Variants in NINL observed in about 807,000 individuals in gnomAD.
NINL encodes ninein like.
Under a neutral mutation model 160.3 loss-of-function variants are expected in NINL, and 153 were observed. The ratio of observed to expected loss-of-function variants is 0.95; its 90% CI spans 0.84 to 1.09. The LOEUF (loss-of-function observed/expected upper bound fraction) is 1.09, where lower values mean the gene tolerates loss of function less well. NINL is among the 50% of genes least tolerant of loss of function. The probability of loss-of-function intolerance (pLI) is 0.00; values close to 1 mark genes in which losing one functional copy is unlikely to be tolerated. For missense variants in NINL, 1,829 were observed against 1,764.0 expected, an observed-to-expected ratio of 1.04 and a Z score of -0.66; for synonymous variants, 800 against 734.8, an observed-to-expected ratio of 1.09 and a Z score of -1.43.
At chr20:25,459,872 C>T (rs1422134027) in intron 21 of NINL, among the ~76,000 whole-genome samples, 1 of 152,188 alleles carries the variant, frequency 6.6e-6, no homozygotes, top group East Asian at 1.9e-4. Flanking sequence ...CAGACCTTGA[C>T]AGTCACAGGG....
chr20:25,475,164 G>A (rs560059571), intron 17 of NINL, among the ~76,000 whole-genome samples: 26 of 150,824 alleles, frequency 1.7e-4, no homozygotes, highest in Admixed American at 1.3e-3. Flanking sequence ...CAGGAGAATC[G>A]CTTGAACCTG....
In NINL at chr20:25,491,541, C is replaced by A; in HGVS notation, c.1311-16G>T. 1.2e-6 allele frequency: 2 copies of A among 1,609,976 alleles called. No individual in the cohort carries two copies. Among genetic ancestry groups the A allele is most frequent in the Non-Finnish European group, 1.7e-6 (2 of 1,177,154 alleles). ...CTCCAGATGCCTGTAACATGTCACACATCACACGTCAGACATGTCATGTCA... is the reference window on the plus strand; with the variant it reads ...CTCCAGATGCCTGTAACATGTCACAAATCACACGTCAGACATGTCATGTCA... On this transcript the variant is annotated splice_polypyrimidine_tract_variant and intron_variant, in intron 10 of 23. Coordinates refer to ENST00000278886, the MANE Select transcript of NINL (RefSeq NM_025176.6).
At chr20:25,573,559 G>C (rs1456549785) in intron 1 of NINL, among the ~76,000 whole-genome samples, 4 of 152,140 alleles carry the variant, frequency 2.6e-5, no homozygotes, top group Admixed American at 6.5e-5. Flanking sequence ...CTGCTGTGAA[G>C]GTCAGTGTCA....
At position 25,479,135 on chromosome 20, in the gene NINL, C is replaced by T. The variant is rs778687223; in HGVS notation, c.1989G>A (p.Gln663=). ...GCACGCTGACCTCGCGCCTGCGAGC[C>T]TGCTCCATGTCCTTCCTCTCCTTCT... ...NFEKERKDME[Q]ARRREVSVLE... is the part of the protein sequence containing the mutation. Residue 663 remains glutamine (Q), a synonymous_variant, in exon 16 of 24, where the codon CAG becomes CAA. Coordinates refer to ENST00000278886, the MANE Select transcript of NINL (RefSeq NM_025176.6). 44 of 1,614,010 alleles carry T rather than the reference C, an allele frequency of 2.7e-5. No homozygotes were observed. The South Asian group carries it at 4.0e-4, about 14-fold the overall frequency.
intron 1 of NINL, among the ~76,000 whole-genome samples, chr20:25,532,595 T>C (rs2064484345): frequency 6.6e-6 from 1 of 152,222 alleles, no homozygotes; most frequent in Non-Finnish European, 1.5e-5. Flanking sequence ...TACTGAGCAT[T>C]CAGAGCCGCT....
At position 25,583,231 on chromosome 20, in the gene NINL, A is replaced by G. The variant is rs1417664493; in HGVS notation, c.-12+2224T>C. Among the ~76,000 whole-genome samples the G allele has an allele frequency of 3.9e-5, 6 of 152,328 alleles. No individual in the cohort carries two copies. In the East Asian group the frequency reaches 9.6e-4, roughly 24 times the overall value. The stretch of plus-strand genomic sequence containing the variant: ...AATTTTTGCAATCTACCCTTCTGAC[A>G]AAGGTCTAATATCCAGAATATAGAA... On this transcript the variant is annotated intron_variant, in intron 1 of 23. Transcript: ENST00000278886.
At chr20:25,539,127 T>A (rs890003328) in intron 1 of NINL, among the ~76,000 whole-genome samples, 1 of 152,106 alleles carries the variant, frequency 6.6e-6, no homozygotes, top group Non-Finnish European at 1.5e-5. Context: ...AGTGTCCAAT[T>A]TCCCTGCAGC....
chr20:25,470,952 C>A (rs958470369), intron 17 of NINL, among the ~76,000 whole-genome samples: 1 of 152,220 alleles, frequency 6.6e-6, no homozygotes, highest in Non-Finnish European at 1.5e-5. Flanking sequence ...CCATATGGTA[C>A]TAGCTTCTTA....
At chr20:25,519,333 T>G (rs2064222039) in intron 2 of NINL, among the ~76,000 whole-genome samples, 1 of 152,198 alleles carries the variant, frequency 6.6e-6, no homozygotes, top group African/African-American at 2.4e-5. Context: ...AATACTATTT[T>G]TGGTTTTGTA....
At chr20:25,467,555 T>C (rs142787484) in intron 18 of NINL, 97 bp from the exon 19 acceptor site, 6 of 927,424 alleles carry the variant, frequency 6.5e-6, no homozygotes, top group Non-Finnish European at 1.1e-5. Context: ...TGGGGGTTTG[T>C]AGCCACAGCA....
intron 1 of NINL, among the ~76,000 whole-genome samples, chr20:25,565,396 G>A (rs1237558157): frequency 6.6e-6 from 1 of 152,024 alleles, no homozygotes; most frequent in Non-Finnish European, 1.5e-5. Context: ...GGAGGGAAGA[G>A]GAGGAGGAGG....
intron 13 of NINL, among the ~76,000 whole-genome samples, chr20:25,486,543 A>G (rs2063507158): frequency 6.6e-6 from 1 of 152,158 alleles, no homozygotes; most frequent in South Asian, 2.1e-4. Flanking sequence ...CACCATCTGG[A>G]CCCCATCCGC....
intron 5 of NINL, chr20:25,509,533 C>G: frequency 2.6e-6 from 1 of 391,452 alleles, no homozygotes; most frequent in Non-Finnish European, 5.1e-6. Flanking sequence ...CACTCCTGAG[C>G]CCCAAGCTGC....
chr20:25,577,850 G>A (rs76783280), intron 1 of NINL, among the ~76,000 whole-genome samples: 1 of 97,318 alleles, frequency 1.0e-5, no homozygotes, highest in Non-Finnish European at 2.2e-5. Flanking sequence ...TTTTTTTTTT[G>A]AGATGGAGTT....
chr20:25,515,533 G>C (rs377580055), intron 3 of NINL, among the ~76,000 whole-genome samples: 86 of 152,294 alleles, frequency 5.6e-4, no homozygotes, highest in South Asian at 1.0e-3. Flanking sequence ...AGGCATGATT[G>C]TGTTTTGAAA....
intron 8 of NINL, 118 bp from the exon 9 acceptor site, chr20:25,498,464 C>T: frequency 7.6e-7 from 1 of 1,319,634 alleles, no homozygotes. Flanking sequence ...GCAGCACCTG[C>T]CCCTCCTGTC....
intron 1 of NINL, among the ~76,000 whole-genome samples, chr20:25,538,355 G>GGGA (rs1329828479): frequency 6.6e-6 from 1 of 152,214 alleles, no homozygotes; most frequent in Non-Finnish European, 1.5e-5. Flanking sequence ...CACCACGGAA[G>GGGA]GGAGGAGTCT....
intron 2 of NINL, among the ~76,000 whole-genome samples, chr20:25,521,648 T>C (rs1029917328): frequency 6.6e-6 from 1 of 152,236 alleles, no homozygotes; most frequent in Non-Finnish European, 1.5e-5. Flanking sequence ...CTGAGGGATA[T>C]AAGACCAGAC....
chr20:25,532,364 G>A (rs1444650365), intron 1 of NINL, among the ~76,000 whole-genome samples: 1 of 152,234 alleles, frequency 6.6e-6, no homozygotes. Context: ...TCCACAGGAG[G>A]GCTGGCCAGC....
Sources: gnomAD v4.1 joint callset for allele counts (sites outside exome capture counted in the v4.1 genomes callset) on GRCh38, gnomAD v4.1.1 for gene constraint, MANE v1.5 for transcripts, NCBI Gene and HGNC (gene_info 2026-07-23, HGNC 2026-07-21) for gene names.